The following CHD9 variants were observed in gnomAD, a reference collection of about 807,000 sequenced individuals.
The protein encoded by CHD9 is ATP-dependent chromatin remodeler CHD9.
A neutral mutation model predicts 316.1 loss-of-function variants in CHD9; 77 were observed. The observed-to-expected ratio is 0.24, with a 90% CI of 0.20 to 0.29. CHD9 has a LOEUF of 0.29. Among genes scored for constraint, CHD9 ranks in the 10% least tolerant of loss-of-function variants. CHD9 has a pLI of 1.00. For synonymous variants in CHD9, 1,129 were observed against 1,158.3 expected (o/e 0.97, Z 0.51); for missense variants, 2,763 against 3,438.1 (o/e 0.80, Z 4.91).
intron 1 of CHD9, among the ~76,000 whole-genome samples, chr16:53,074,145 T>A (rs185012502): frequency 2.0e-5 from 3 of 152,272 alleles, no homozygotes; most frequent in African/African-American, 7.2e-5. Flanking sequence ...TTCTTTATGT[T>A]TTAGCAAAGA....
At chr16:53,248,143 G>A (rs943591463) in intron 16 of CHD9, 1 of 150,610 alleles carries the variant, frequency 6.6e-6, no homozygotes, top group African/African-American at 2.5e-5. Context: ...TGGCTTACAC[G>A]GTGAAACCCA....
At chr16:53,158,585 A>G (rs1253859324) in intron 2 of CHD9, among the ~76,000 whole-genome samples, 1 of 152,192 alleles carries the variant, frequency 6.6e-6, no homozygotes, top group Non-Finnish European at 1.5e-5. Flanking sequence ...ACATGTAAAC[A>G]TGCTTAGACT....
intron 1 of CHD9, among the ~76,000 whole-genome samples, chr16:53,130,305 G>A (rs1264051850): frequency 2.0e-5 from 3 of 152,182 alleles, no homozygotes; most frequent in Non-Finnish European, 4.4e-5. Context: ...AGGAGAACGT[G>A]GGACTAAATC....
intron 3 of CHD9, among the ~76,000 whole-genome samples, chr16:53,218,612 A>C (rs1303070016): frequency 6.6e-6 from 1 of 152,186 alleles, no homozygotes; most frequent in East Asian, 1.9e-4. Context: ...TTTTAAAAAA[A>C]TTTAAATATC....
At chr16:53,221,887 G>A (rs2047267685) in intron 3 of CHD9, among the ~76,000 whole-genome samples, 2 of 151,880 alleles carry the variant, frequency 1.3e-5, no homozygotes, top group African/African-American at 4.8e-5. Context: ...GGAATCAAGT[G>A]GAATATGAAT....
In CHD9 at chr16:53,267,442, A is replaced by G; in HGVS notation, c.4469A>G (p.Tyr1490Cys). Residue 1490 changes from tyrosine to cysteine, a missense_variant, in exon 21 of 39, where the codon TAT (tyrosine) becomes TGT (cysteine). This residue lies in a region of CHD9 where 199 missense variants were observed against 251.7 expected (regional missense o/e 0.79). Coordinates refer to ENST00000447540, the MANE Select transcript of CHD9 (RefSeq NM_001308319.2). ...LRRPCDRSNG[Y>C]GRTECFRVEK... ...AGACCCTGTGACCGTTCCAATGGCT[A>G]TGGAAGAACTGAATGCTTTAGAGTT... is the stretch of plus-strand genomic sequence containing the variant. The G allele has an allele frequency of 6.2e-7, 1 of 1,611,262 alleles. No individual in the cohort carries two copies. Among genetic ancestry groups the G allele is most frequent in the Non-Finnish European group, 8.5e-7 (1 of 1,178,408 alleles).
At position 53,128,773 on chromosome 16, in the gene CHD9, C is replaced by T. The variant is rs561947704; in HGVS notation, c.-164-27153C>T. Among the ~76,000 whole-genome samples, 72 of 152,280 alleles carry T rather than the reference C, an allele frequency of 4.7e-4. 2 individuals are homozygous for T. The South Asian group carries it at 0.013, about 28-fold the overall frequency. On this transcript the variant is annotated intron_variant, in intron 1 of 38. Coordinates refer to ENST00000447540, the MANE Select transcript of CHD9 (RefSeq NM_001308319.2). ...CTCCAAAATTTAAGACAGAAGTGAA[C>T]ACCATTCACTGACCAGTGAAAATAA...
chr16:53,226,573 C>T (rs1246677613), intron 5 of CHD9, 61 bp downstream of exon 5: 1 of 1,534,216 alleles, frequency 6.5e-7, no homozygotes, highest in Non-Finnish European at 8.7e-7. Context: ...TCTATAAATA[C>T]TTGCATTGTT....
At chr16:53,280,627 T>G (rs568292710) in intron 24 of CHD9, among the ~76,000 whole-genome samples, 1 of 151,344 alleles carries the variant, frequency 6.6e-6, no homozygotes, top group South Asian at 2.1e-4. Flanking sequence ...ACTAAAGAAC[T>G]TACTCATGTA....
At chr16:53,311,111 A>G (rs2056440392) in intron 34 of CHD9, 4 of 151,282 alleles carry the variant, frequency 2.6e-5, no homozygotes, top group African/African-American at 4.9e-5. Context: ...ACTTGATCTC[A>G]GGAGGAATAC....
At chr16:53,209,443 C>T in intron 2 of CHD9, 39 bp from the exon 3 acceptor site, 2 of 1,315,456 alleles carry the variant, frequency 1.5e-6, no homozygotes, top group Admixed American at 2.5e-5. Context: ...TTTAGATGTA[C>T]TTTGGTATAT....
At chr16:53,075,754 A>G (rs2034469987) in intron 1 of CHD9, among the ~76,000 whole-genome samples, 1 of 152,180 alleles carries the variant, frequency 6.6e-6, no homozygotes, top group African/African-American at 2.4e-5. Context: ...TTTCCTTCCC[A>G]GACTCACATA....
intron 32 of CHD9, 108 bp downstream of exon 32, chr16:53,306,505 A>G (rs966659759): frequency 1.7e-5 from 15 of 906,888 alleles, no homozygotes; most frequent in Admixed American, 3.7e-5. Flanking sequence ...CGTAAAATGT[A>G]GGATGACATT....
intron 2 of CHD9, among the ~76,000 whole-genome samples, chr16:53,189,489 A>G (rs1204860042): frequency 6.6e-6 from 1 of 151,452 alleles, no homozygotes; most frequent in Non-Finnish European, 1.5e-5. Flanking sequence ...TTAGCCTTGC[A>G]CTCCTAAAAT....
chr16:53,296,472 G>T (rs1421736744), intron 29 of CHD9, among the ~76,000 whole-genome samples: 1 of 115,820 alleles, frequency 8.6e-6, no homozygotes, highest in Middle Eastern at 7.4e-3. Context: ...ACAGAGTCTC[G>T]CTCTGTCGCC....
intron 2 of CHD9, among the ~76,000 whole-genome samples, chr16:53,203,937 T>C (rs924893167): frequency 3.5e-5 from 5 of 140,850 alleles, no homozygotes; most frequent in African/African-American, 1.3e-4. Context: ...GGCAGGAGAA[T>C]GGCGTGAACC....
In CHD9 at chr16:53,321,606, A is replaced by G; in HGVS notation, c.7794A>G (p.Glu2598=). ...ATTCAGAATATGGAGTAGCTCCTGA[A>G]TGGGGAGATGTTGTTAAGCAATCTG... The part of the protein sequence containing the change: ...KENSEYGVAP[E]WGDVVKQSGF... The change falls in exon 38 of 39, where the codon GAA becomes GAG. Residue 2598 remains glutamate, a synonymous_variant. Transcript: ENST00000447540. 1.3e-6 allele frequency: 2 copies of G among 1,531,142 alleles called. No individual in the cohort carries two copies. Among genetic ancestry groups the G allele is most frequent in the East Asian group, 2.3e-5 (1 of 42,908 alleles). The allele number at this position is 1,531,142 out of a possible 1,614,324, so 94.8% of individuals were successfully genotyped here. A position where few individuals can be genotyped will look rare whatever the true frequency, so the allele number is the denominator to read the frequency against.
In CHD9 at chr16:53,267,277, G is replaced by A. The variant is rs1567589552; in HGVS notation, c.4321-17G>A. On this transcript the variant is annotated splice_polypyrimidine_tract_variant and intron_variant, in intron 20 of 38. Transcript: ENST00000447540. Reference sequence around the variant, plus strand: ...ATCATAAAAGTACCTTCAGGTAATAGCAGTTCTGTTTTACAGAACAGCTTG... The same window carrying A: ...ATCATAAAAGTACCTTCAGGTAATAACAGTTCTGTTTTACAGAACAGCTTG... 1.3e-6 allele frequency: 2 copies of A among 1,556,200 alleles called. No homozygotes were observed. Among genetic ancestry groups the A allele is most frequent in the African/African-American group, 1.4e-5 (1 of 72,858 alleles).
intron 29 of CHD9, among the ~76,000 whole-genome samples, chr16:53,296,533 T>A (rs564707687): frequency 6.9e-6 from 1 of 145,718 alleles, no homozygotes; most frequent in African/African-American, 2.6e-5. Flanking sequence ...CTCCACCTCC[T>A]GGGTTCACGC....
Sources: gnomAD v4.1 joint callset for allele counts (sites outside exome capture counted in the v4.1 genomes callset) on GRCh38, gnomAD v4.1.1 for gene constraint, gnomAD v4.1.1 regional missense constraint, MANE v1.5 for transcripts, NCBI Gene and HGNC (gene_info 2026-07-23, HGNC 2026-07-21) for gene names.